NBAS: variants seen among roughly 807,000 people sequenced by gnomAD.
The protein encoded by NBAS is NBAS subunit of NRZ tethering complex, also known as NAG/BC035112 fusion.
NBAS carries 219 observed loss-of-function variants against 302.5 expected under a neutral mutation model. The observed-to-expected ratio is 0.72, with a 90% CI of 0.65 to 0.81. NBAS has a LOEUF of 0.81. Among genes scored for constraint, NBAS ranks in the 30% least tolerant of loss-of-function variants. The probability of loss-of-function intolerance (pLI) is 0.00; values close to 1 mark genes in which losing one functional copy is unlikely to be tolerated. For synonymous variants in NBAS, 1,118 were observed against 1,021.6 expected, an observed-to-expected ratio of 1.09 and a Z score of -1.80; for missense variants, 2,932 against 2,841.6, an observed-to-expected ratio of 1.03 and a Z score of -0.72.
intron 47 of NBAS, among the ~76,000 whole-genome samples, chr2:15,229,354 A>AAAC (rs1558456375): frequency 1.4e-5 from 2 of 142,638 alleles, no homozygotes; most frequent in Admixed American, 7.2e-5. Flanking sequence ...AAACAAAAAA[A>AAAC]AAAAAAAAAA....
the NBAS span, among the ~76,000 whole-genome samples, chr2:15,099,438 G>A: frequency 6.6e-6 from 1 of 152,022 alleles, no homozygotes; most frequent in Non-Finnish European, 1.5e-5. Context: ...AAAGAACATT[G>A]TAATTTTTTT....
intron 9 of NBAS, among the ~76,000 whole-genome samples, chr2:15,515,336 G>C (rs768701633): frequency 2.0e-4 from 30 of 152,092 alleles, no homozygotes; most frequent in Non-Finnish European, 3.5e-4. Context: ...ATCTACTGAA[G>C]GGTTTTTCTT....
chr2:15,412,303 T>C (rs182875547), intron 25 of NBAS, among the ~76,000 whole-genome samples: 70 of 152,294 alleles, frequency 4.6e-4, no homozygotes, highest in African/African-American at 1.6e-3. Context: ...GACTGAAGTT[T>C]TGTGAGCCAC....
intron 41 of NBAS, 56 bp from the exon 42 acceptor site, chr2:15,287,239 A>G (rs1670086313): frequency 1.4e-6 from 2 of 1,394,606 alleles, no homozygotes; most frequent in South Asian, 2.3e-5. Flanking sequence ...CATGACTTCA[A>G]TCAGCAACGA....
chr2:14,951,834 C>T, the NBAS span, among the ~76,000 whole-genome samples: 1 of 152,292 alleles, frequency 6.6e-6, no homozygotes, highest in East Asian at 1.9e-4. Context: ...ACATGTGTGT[C>T]AAATTCCTCT....
chr2:15,405,360 T>C (rs1254244133), intron 25 of NBAS, among the ~76,000 whole-genome samples: 1 of 152,222 alleles, frequency 6.6e-6, no homozygotes, highest in Non-Finnish European at 1.5e-5. Context: ...AACATACTGT[T>C]CAAATTTATA....
chr2:15,484,289 G>C (rs1426050414), intron 12 of NBAS, among the ~76,000 whole-genome samples: 1 of 152,066 alleles, frequency 6.6e-6, no homozygotes, highest in Non-Finnish European at 1.5e-5. Context: ...CCAGATAAAA[G>C]TCAATACTTC....
At chr2:15,039,836 C>G in the NBAS span, among the ~76,000 whole-genome samples, 3 of 152,362 alleles carry the variant, frequency 2.0e-5, no homozygotes, top group Non-Finnish European at 4.4e-5. Context: ...CATCTCCTGA[C>G]TTGTCTTCAT....
rs114096926 is a variant in NBAS at position 15,239,124 on chromosome 2, T to C, written c.5725-438A>G. ...TCTAATTGATAGAAGAAATGATAAC[T>C]AGCTTATTTTAAATTACAGGCTGGA... On this transcript the variant is annotated intron_variant, in intron 44 of 51. Coordinates refer to ENST00000281513, the MANE Select transcript of NBAS (RefSeq NM_015909.4). Among the ~76,000 whole-genome samples, 78 of 152,258 alleles carry C rather than the reference T, an allele frequency of 5.1e-4. 1 individual carries two copies. Among genetic ancestry groups the C allele is most frequent in the Admixed American group, 1.6e-3 (24 of 15,304 alleles).
the NBAS span, among the ~76,000 whole-genome samples, chr2:14,792,007 A>T: frequency 6.6e-6 from 1 of 151,918 alleles, no homozygotes; most frequent in Non-Finnish European, 1.5e-5. Context: ...TCAGGACATC[A>T]ATAGGGGGAA....
intron 38 of NBAS, among the ~76,000 whole-genome samples, chr2:15,321,909 T>A (rs1205864065): frequency 2.6e-5 from 4 of 152,196 alleles, no homozygotes; most frequent in African/African-American, 9.7e-5. Flanking sequence ...CCAAGGATTA[T>A]AAATCATGCT....
chr2:15,349,984 C>T (rs911356713), intron 35 of NBAS, among the ~76,000 whole-genome samples: 12 of 151,658 alleles, frequency 7.9e-5, no homozygotes, highest in African/African-American at 2.4e-4. Flanking sequence ...GAGGAAGAGG[C>T]GAAAATTCCA....
the NBAS span, among the ~76,000 whole-genome samples, chr2:14,855,369 C>T: frequency 1.4e-3 from 212 of 152,108 alleles, 1 homozygote; most frequent in African/African-American, 5.0e-3. Context: ...AAAACTTCTG[C>T]TTGAGAAGAG....
chr2:15,066,950 A>G, the NBAS span, among the ~76,000 whole-genome samples: 2 of 152,284 alleles, frequency 1.3e-5, no homozygotes, highest in East Asian at 3.9e-4. Flanking sequence ...TAAGGAATCA[A>G]CCTAAGTGTC....
chr2:14,915,543 T>C, the NBAS span, among the ~76,000 whole-genome samples: 3 of 152,274 alleles, frequency 2.0e-5, no homozygotes, highest in South Asian at 4.1e-4. Context: ...TGACAGTGAA[T>C]GGGTCTCACA....
At position 15,330,738 on chromosome 2, in the gene NBAS, A is replaced by T. The variant is rs527767244; in HGVS notation, c.4207T>A (p.Ser1403Thr). 2.2e-5 allele frequency: 35 copies of T among 1,614,020 alleles called. No homozygotes were observed. The Admixed American group carries it at 5.3e-4, about 25-fold the overall frequency. Residue 1403 changes from serine (S) to threonine (T), a missense_variant, in exon 36 of 52, where the codon TCA becomes ACA. Coordinates refer to ENST00000281513, the MANE Select transcript of NBAS (RefSeq NM_015909.4). The stretch of plus-strand genomic sequence containing the variant: ...GTGGTCCAGCGCAATAGGTCAGCTG[A>T]ATTGCTACCTGGAACACCTACTTCA... ...EDEVGVPGSN[S>T]ADLLRWTTAT... is the part of the protein sequence containing the mutation.
intron 32 of NBAS, among the ~76,000 whole-genome samples, chr2:15,361,519 A>C (rs891212296): frequency 6.6e-6 from 1 of 152,134 alleles, no homozygotes; most frequent in South Asian, 2.1e-4. Flanking sequence ...GCTCAAAAAA[A>C]CAAAAACAAA....
intron 35 of NBAS, 95 bp from the exon 36 acceptor site, chr2:15,330,860 T>C: frequency 3.7e-6 from 5 of 1,340,798 alleles, no homozygotes; most frequent in Middle Eastern, 2.6e-4. Context: ...GATCAGATAT[T>C]AAACTTGAAG....
At chr2:14,800,159 A>G in the NBAS span, among the ~76,000 whole-genome samples, 1 of 152,270 alleles carries the variant, frequency 6.6e-6, no homozygotes, top group East Asian at 1.9e-4. Context: ...TGGATTAATT[A>G]AATATTTTTT....
Sources: gnomAD v4.1 joint callset for allele counts (sites outside exome capture counted in the v4.1 genomes callset) on GRCh38, gnomAD v4.1.1 for gene constraint, MANE v1.5 for transcripts, NCBI Gene and HGNC (gene_info 2026-07-23, HGNC 2026-07-21) for gene names.